Variants in ACTR6 observed in about 807,000 individuals in gnomAD.
ACTR6 encodes the protein actin-related protein 6.
A neutral mutation model predicts 52.5 loss-of-function variants in ACTR6; 50 were observed. That is an observed-to-expected ratio of 0.95 (90% CI 0.76 to 1.20). ACTR6 has a LOEUF of 1.20. ACTR6 is among the 50% of genes most tolerant of loss of function. The pLI is 0.00. For missense variants in ACTR6, 344 were observed against 472.4 expected (o/e 0.73, Z 2.52); for synonymous variants, 135 against 147.2 (o/e 0.92, Z 0.60).
chr12:100,223,348 AAAAG>A (rs1304234870), intron 10 of ACTR6, among the ~76,000 whole-genome samples: 3 of 152,200 alleles, frequency 2.0e-5, no homozygotes, highest in South Asian at 2.1e-4. Flanking sequence ...CTCAAAAAAA[AAAAG>A]AAAGAAAGTG....
intron 10 of ACTR6, among the ~76,000 whole-genome samples, chr12:100,222,315 T>C (rs1016820553): frequency 1.4e-5 from 2 of 145,938 alleles, no homozygotes; most frequent in African/African-American, 5.2e-5. Flanking sequence ...TGGAGTGCAG[T>C]GGTATGATCA....
intron 4 of ACTR6, chr12:100,208,741 A>G: frequency 2.2e-6 from 1 of 455,744 alleles, no homozygotes; most frequent in South Asian, 1.5e-5. Context: ...TGCAATTATT[A>G]TTGTTTGTTT....
intron 10 of ACTR6, 105 bp from the exon 11 acceptor site, chr12:100,223,681 A>G (rs2096130070): frequency 7.0e-7 from 1 of 1,434,472 alleles, no homozygotes; most frequent in Non-Finnish European, 9.4e-7. Flanking sequence ...TTTAATGGCA[A>G]AAAAAACACA....
At position 100,224,159 on chromosome 12, in the gene ACTR6, G is replaced by A; in HGVS notation, c.*244G>A. The A allele has an allele frequency of 3.7e-6, 1 of 273,014 alleles. No homozygotes were observed. Among genetic ancestry groups the A allele is most frequent in the Non-Finnish European group, 6.7e-6 (1 of 149,000 alleles). 16.9% of individuals were successfully genotyped at this position (273,014 alleles called of 1,614,324 possible). On this transcript the variant is annotated 3_prime_UTR_variant, in exon 11 of 11. Coordinates refer to ENST00000188312, the MANE Select transcript of ACTR6 (RefSeq NM_022496.5). ...ATGCTTATGCTGTTTCCAAGGGTAG[G>A]TTATTTTTCATTAAAAGAAGAATGA...
At chr12:100,207,003 T>C (rs1045479348) in intron 3 of ACTR6, among the ~76,000 whole-genome samples, 1 of 151,948 alleles carries the variant, frequency 6.6e-6, no homozygotes, top group African/African-American at 2.4e-5. Flanking sequence ...TTTAGAAACA[T>C]AACAGCCCCA....
chr12:100,201,122 C>G, intron 1 of ACTR6: 1 of 1,348,606 alleles, frequency 7.4e-7, no homozygotes, highest in Non-Finnish European at 9.8e-7. Context: ...GCTGCGAGGC[C>G]CCGGAAGTGG....
intron 1 of ACTR6, chr12:100,204,105 TC>T (rs2096112356): frequency 6.6e-6 from 1 of 152,180 alleles, no homozygotes; most frequent in African/African-American, 2.4e-5. Context: ...AAAGAAAGGA[TC>T]CAGTATAGAA....
At chr12:100,210,965 G>T (rs776413095) in intron 6 of ACTR6, among the ~76,000 whole-genome samples, 2 of 151,986 alleles carry the variant, frequency 1.3e-5, no homozygotes, top group Non-Finnish European at 2.9e-5. Flanking sequence ...CTATATGTTT[G>T]TTATCTGAAG....
intron 6 of ACTR6, 122 bp downstream of exon 6, chr12:100,210,473 C>T (rs1231375945): frequency 3.8e-6 from 4 of 1,062,254 alleles, no homozygotes; most frequent in Middle Eastern, 2.8e-4. Context: ...AATCCCAGCA[C>T]ATTGGGAGGC....
At chr12:100,205,856 T>TTTTTTAAGTTTATAAATCTTAAAATGTA (rs1253580954) in intron 3 of ACTR6, 112 bp downstream of exon 3, 1 of 544,702 alleles carries the variant, frequency 1.8e-6, no homozygotes, top group African/African-American at 2.0e-5. Context: ...TCCGCACATT[T>TTTTTTAAGTTTATAAATCTTAAAATGTA]AAAATAAATA....
At chr12:100,210,393 G>A in intron 6 of ACTR6, 42 bp downstream of exon 6, 1 of 1,575,148 alleles carries the variant, frequency 6.3e-7, no homozygotes, top group Non-Finnish European at 8.7e-7. Context: ...GGGGCTCTGG[G>A]GAGGAACCTT....
chr12:100,220,758 G>C (rs777056970), intron 10 of ACTR6, among the ~76,000 whole-genome samples: 1 of 152,140 alleles, frequency 6.6e-6, no homozygotes, highest in East Asian at 1.9e-4. Flanking sequence ...ACTTTGGGAG[G>C]CTGAGGCAGG....
chr12:100,221,503 C>A (rs2096128247), intron 10 of ACTR6, among the ~76,000 whole-genome samples: 1 of 151,760 alleles, frequency 6.6e-6, no homozygotes, highest in East Asian at 1.9e-4. Context: ...AAGGGATCCA[C>A]AGAAATAGGT....
At chr12:100,205,233 G>A in intron 2 of ACTR6, 176 bp downstream of exon 2, 3 of 496,654 alleles carry the variant, frequency 6.0e-6, no homozygotes, top group Admixed American at 3.8e-5. Context: ...TACTTATTGT[G>A]AGTACTGATT....
intron 1 of ACTR6, chr12:100,201,165 C>A: frequency 9.7e-7 from 1 of 1,032,040 alleles, no homozygotes; most frequent in Non-Finnish European, 1.3e-6. Context: ...AGGAAATAGC[C>A]AAAGAAAATA....
intron 6 of ACTR6, among the ~76,000 whole-genome samples, chr12:100,210,612 G>A (rs1172223271): frequency 2.6e-5 from 4 of 151,664 alleles, no homozygotes; most frequent in Admixed American, 6.6e-5. Context: ...CCAGCTACTC[G>A]GGAGGCTGAG....
At chr12:100,207,490 A>G (rs2096115826) in intron 3 of ACTR6, among the ~76,000 whole-genome samples, 173 bp from the exon 4 acceptor site, 1 of 152,180 alleles carries the variant, frequency 6.6e-6, no homozygotes, top group African/African-American at 2.4e-5. Flanking sequence ...TAGCTCTATG[A>G]ACTTGGTCAC....
chr12:100,200,927 C>G lies in ACTR6; in HGVS notation c.68+8C>G, dbSNP rs2096109112. On this transcript the variant is annotated splice_region_variant and intron_variant, in intron 1 of 10. Coordinates refer to ENST00000188312, the MANE Select transcript of ACTR6 (RefSeq NM_022496.5). ...CAGCCATGAAAATGTGTCGTAAGTA[C>G]TTTCTTTCTCCGAGGGACAAGATAT... The G allele has an allele frequency of 1.9e-6, 3 of 1,614,096 alleles. No homozygotes were observed. The East Asian group carries it at 6.7e-5, about 36-fold the overall frequency.
chr12:100,202,099 G>A (rs1677481101), intron 1 of ACTR6, among the ~76,000 whole-genome samples: 1 of 151,914 alleles, frequency 6.6e-6, no homozygotes, highest in African/African-American at 2.4e-5. Flanking sequence ...GCCTGGCTAA[G>A]TTTTGTATTT....
Sources: gnomAD v4.1 joint callset for allele counts (sites outside exome capture counted in the v4.1 genomes callset) on GRCh38, gnomAD v4.1.1 for gene constraint, MANE v1.5 for transcripts, NCBI Gene and HGNC (gene_info 2026-07-23, HGNC 2026-07-21) for gene names.